Variants in DNHD1 observed in about 807,000 individuals in gnomAD.
DNHD1 encodes the protein dynein heavy chain domain-containing protein 1.
A neutral mutation model predicts 458.1 loss-of-function variants in DNHD1; 383 were observed. The observed-to-expected ratio is 0.84, with a 90% CI of 0.77 to 0.91. DNHD1 has a LOEUF of 0.91. Ranked by LOEUF, DNHD1 falls within the 40% of genes least tolerant of loss-of-function variation. The probability of loss-of-function intolerance (pLI) is 0.00; values close to 1 mark genes in which losing one functional copy is unlikely to be tolerated. For synonymous variants in DNHD1, 2,203 were observed against 2,376.9 expected, an observed-to-expected ratio of 0.93 and a Z score of 2.13; for missense variants, 5,336 against 5,866.1, an observed-to-expected ratio of 0.91 and a Z score of 2.95.
At position 6,571,247 on chromosome 11, in the gene DNHD1, C is replaced by T. The variant is rs1481347084; in HGVS notation, c.13735C>T (p.Arg4579Cys). 2 of 1,612,542 alleles carry T rather than the reference C, an allele frequency of 1.2e-6. No individual in the cohort carries two copies. Among genetic ancestry groups the T allele is most frequent in the South Asian group, 1.1e-5 (1 of 90,926 alleles). ...GADASSDVPE[R>C]VFHLSAFRHP... is the part of the protein sequence containing the mutation. Reference sequence around the variant, plus strand: ...GGACGCGAGCAGTGATGTACCAGAGCGCGTCTTCCACCTGTCAGCCTTTCG... The same window carrying T: ...GGACGCGAGCAGTGATGTACCAGAGTGCGTCTTCCACCTGTCAGCCTTTCG... Residue 4579 changes from arginine to cysteine, a missense_variant, in exon 42 of 43, where the codon CGC becomes TGC. Around this residue, in one of 4 missense-constraint regions of DNHD1, gnomAD observed 698 missense variants for 664.9 expected, o/e 1.05. Transcript: ENST00000254579. This position sits in a 1 kb window ranked among gnomAD's most constrained non-coding sequence, Gnocchi z 5.0.
At chr11:6,527,532 T>G (rs983968306) in intron 10 of DNHD1, among the ~76,000 whole-genome samples, 6 of 152,200 alleles carry the variant, frequency 3.9e-5, no homozygotes, top group Non-Finnish European at 8.8e-5. Context: ...GGGGAGGAAT[T>G]AGAGTTCATT....
In DNHD1 at chr11:6,547,286, T is replaced by G. The variant is rs752045538; in HGVS notation, c.6347T>G (p.Ile2116Arg). 1 of 1,551,700 alleles carries G rather than the reference T, an allele frequency of 6.4e-7. No individual in the cohort carries two copies. Among genetic ancestry groups the G allele is most frequent in the African/African-American group, 1.4e-5 (1 of 73,050 alleles). Residue 2116 changes from isoleucine to arginine, a missense_variant, in exon 21 of 43, where the codon ATA (isoleucine) becomes AGA (arginine). This residue lies in a region of DNHD1 where 3,932 missense variants were observed against 4,365.6 expected (regional missense o/e 0.90). Coordinates refer to ENST00000254579, the MANE Select transcript of DNHD1 (RefSeq NM_144666.3). ...PQLSLPSGQQIARPPGTFLLM... is the reference protein window; with the variant it reads ...PQLSLPSGQQRARPPGTFLLM... ...CTTAGTCTCCCCAGTGGACAGCAGA[T>G]AGCACGACCCCCAGGCACCTTTCTC... is the stretch of plus-strand genomic sequence containing the variant.
rs746015319 is a variant in DNHD1, at chr11:6,533,767, T to G, written c.2592T>G (p.Phe864Leu). The G allele has an allele frequency of 4.5e-6, 7 of 1,551,344 alleles. No homozygotes were observed. The East Asian group carries it at 1.7e-4, about 38-fold the overall frequency. The change falls in exon 14 of 43, where the codon TTT (phenylalanine) becomes TTG (leucine). Residue 864 changes from phenylalanine (F) to leucine (L), a missense_variant. Coordinates refer to ENST00000254579, the MANE Select transcript of DNHD1 (RefSeq NM_144666.3). ...RALHELIRNHFSLFSAENEAL... is the reference protein window; with the variant it reads ...RALHELIRNHLSLFSAENEAL... ...TCCACGAACTCATCCGCAACCACTT[T>G]AGCCTCTTTAGTGCTGAGAATGAAG...
At position 6,557,264 on chromosome 11, in the gene DNHD1, G is replaced by T. The variant is rs553080016; in HGVS notation, c.7969G>T (p.Asp2657Tyr). Residue 2657 changes from aspartate (D) to tyrosine (Y), a missense_variant, in exon 25 of 43, where the codon GAC becomes TAC. Coordinates refer to ENST00000254579, the MANE Select transcript of DNHD1 (RefSeq NM_144666.3). Reference protein sequence around the residue: ...WLHEAQRTFCDRLDSPRERSY... With the variant: ...WLHEAQRTFCYRLDSPRERSY... ...GCATGAGGCACAGAGAACCTTTTGC[G>T]ACCGGCTGGACAGCCCCAGGGAACG... 1.3e-5 allele frequency: 20 copies of T among 1,551,532 alleles called. No homozygotes were observed. In the South Asian group the frequency reaches 2.4e-4, roughly 18 times the overall value.
chr11:6,561,048 C>A (rs997650973), intron 28 of DNHD1, among the ~76,000 whole-genome samples: 1 of 152,060 alleles, frequency 6.6e-6, no homozygotes, highest in Admixed American at 6.5e-5. Context: ...ACTTCCCTAA[C>A]CTTATAAGGT....
chr11:6,536,664 A>G (rs1852957715), intron 14 of DNHD1, among the ~76,000 whole-genome samples: 1 of 152,182 alleles, frequency 6.6e-6, no homozygotes, highest in South Asian at 2.1e-4. Flanking sequence ...GAAGATTGGA[A>G]CTCATTTTCA....
chr11:6,570,263 G>T lies in DNHD1; in HGVS notation c.12972G>T (p.Gly4324=). 6.2e-7 allele frequency: 1 copy of T among 1,613,672 alleles called. No individual in the cohort carries two copies. Among genetic ancestry groups the T allele is most frequent in the Non-Finnish European group, 8.5e-7 (1 of 1,179,768 alleles). Residue 4324 remains glycine, a synonymous_variant, in exon 41 of 43, where the codon GGG becomes GGT. Transcript: ENST00000254579. ...MQELAASVFY[G]GPLGDTEDRE... The stretch of plus-strand genomic sequence containing the variant: ...CATCTTCAGCTTCAGTTTTCTACGG[G>T]GGTCCTCTGGGGGACACTGAGGACA...
In DNHD1 at chr11:6,567,817, A is replaced by G. The variant is rs765614281; in HGVS notation, c.12308A>G (p.His4103Arg). The G allele has an allele frequency of 6.2e-7, 1 of 1,613,378 alleles. No individual in the cohort carries two copies. Among genetic ancestry groups the G allele is most frequent in the Non-Finnish European group, 8.5e-7 (1 of 1,179,886 alleles). ...PPPGHPSATL[H>R]PLTVIQKLAA... ...CCTGGCCACCCCTCAGCCACTCTGC[A>G]TCCTCTGACTGTCATCCAGAAACTG... The change falls in exon 36 of 43, where the codon CAT becomes CGT. Residue 4103 changes from histidine to arginine, a missense_variant. His to Arg is a conservative substitution (Grantham distance 29). Transcript: ENST00000254579.
rs1035413321 is a variant in DNHD1 at position 6,544,805 on chromosome 11, A to G, written c.3866A>G (p.Lys1289Arg). The change falls in exon 21 of 43, where the codon AAG becomes AGG. Residue 1289 changes from lysine (K) to arginine (R), a missense_variant. By Grantham distance (26) the Lys-to-Arg change is conservative (BLOSUM62 2). Transcript: ENST00000254579. Reference protein sequence around the residue: ...FPNADLNSRFKVMDDQYRTLM... With the variant: ...FPNADLNSRFRVMDDQYRTLM... ...CCCTCACCACAGAACTCTCGTTTCA[A>G]GGTCATGGATGACCAGTATCGAACC... 1.3e-6 allele frequency: 2 copies of G among 1,550,482 alleles called. No homozygotes were observed. The highest frequency in any genetic ancestry group is 2.7e-5 in the African/African-American group (2 of 73,020).
chr11:6,498,750 G>C lies in DNHD1; in HGVS notation c.535G>C (p.Glu179Gln). 6.2e-7 allele frequency: 1 copy of C among 1,614,204 alleles called. No homozygotes were observed. Among genetic ancestry groups the C allele is most frequent in the South Asian group, 1.1e-5 (1 of 91,082 alleles). ...QAQWSRQQVK[E>Q]ELATWLRPLT... ...CCAGTGGAGCAGGCAGCAAGTAAAG[G>C]AGGAGCTGGCCACCTGGCTGCGACC... Residue 179 changes from glutamate to glutamine, a missense_variant, in exon 3 of 43, where the codon GAG becomes CAG. Around this residue, in one of 4 missense-constraint regions of DNHD1, gnomAD observed 3,932 missense variants for 4,365.6 expected, o/e 0.90. Coordinates refer to ENST00000254579, the MANE Select transcript of DNHD1 (RefSeq NM_144666.3).
Position 6,509,269 on chromosome 11 carries a change from G to A in DNHD1, c.1232G>A (p.Ser411Asn), listed in dbSNP as rs764176673. 5 of 1,610,886 alleles carry A rather than the reference G, an allele frequency of 3.1e-6. No individual in the cohort carries two copies. The South Asian group carries it at 5.5e-5, about 18-fold the overall frequency. Reference protein sequence around the residue: ...PHFGAGLLHISRLLQELHSVS... With the variant: ...PHFGAGLLHINRLLQELHSVS... Reference sequence around the variant, plus strand: ...TTTGGAGCTGGGCTACTCCATATTAGCAGGTGAGGTATTAAAAACACAACT... The same window carrying A: ...TTTGGAGCTGGGCTACTCCATATTAACAGGTGAGGTATTAAAAACACAACT... Residue 411 changes from serine (S) to asparagine (N), a missense_variant, in exon 6 of 43, where the codon AGC (serine) becomes AAC (asparagine). Transcript: ENST00000254579.
intron 18 of DNHD1, among the ~76,000 whole-genome samples, chr11:6,540,457 C>T (rs2134421850): frequency 6.6e-6 from 1 of 152,240 alleles, no homozygotes; most frequent in Non-Finnish European, 1.5e-5. Flanking sequence ...TTATTCTCTC[C>T]CTCATCAAAC....
intron 10 of DNHD1, among the ~76,000 whole-genome samples, chr11:6,523,707 C>T (rs904804769): frequency 4.6e-5 from 7 of 152,112 alleles, no homozygotes; most frequent in Non-Finnish European, 8.8e-5. Flanking sequence ...CTTCTTATGG[C>T]CAGGCACAGT....
At chr11:6,549,173 C>T in intron 24 of DNHD1, 1 of 560,948 alleles carries the variant, frequency 1.8e-6, no homozygotes, top group Non-Finnish European at 3.1e-6. Flanking sequence ...CCAGATCTGT[C>T]TATCCAGCTG....
Position 6,548,837 on chromosome 11 carries a change from C to T in DNHD1, c.7291C>T (p.Gln2431Ter). 5 of 1,551,666 alleles carry T rather than the reference C, an allele frequency of 3.2e-6. No individual in the cohort carries two copies. Among genetic ancestry groups the T allele is most frequent in the Non-Finnish European group, 4.4e-6 (5 of 1,146,976 alleles). The change falls in exon 24 of 43, where the codon CAG becomes TAG. Residue 2431 changes from glutamine (Q) to a stop codon, truncating the protein, a stop_gained. Transcript: ENST00000254579. LOFTEE classifies it high-confidence loss of function. This position sits in a 1 kb window ranked among gnomAD's most constrained non-coding sequence, Gnocchi z 4.4. ...HLRLLLSRGI[Q>*]GQTQASPQPG... ...CCGTCTCCTGCTGAGCAGAGGAATC[C>T]AGGGCCAAACACAAGCCAGCCCACA...
At chr11:6,539,773 C>A in intron 17 of DNHD1, 103 bp from the exon 18 acceptor site, 3 of 1,080,466 alleles carry the variant, frequency 2.8e-6, no homozygotes, top group Non-Finnish European at 4.1e-6. Context: ...TTCCTGAGCC[C>A]TGGCCCTTGA....
intron 24 of DNHD1, among the ~76,000 whole-genome samples, chr11:6,551,671 T>G (rs141582377): frequency 1.1e-3 from 173 of 152,284 alleles, no homozygotes; most frequent in East Asian, 4.4e-3. Context: ...GGCCGGGCAC[T>G]GTGGCTCACG....
intron 6 of DNHD1, 126 bp downstream of exon 6, chr11:6,509,398 C>A: frequency 2.6e-6 from 2 of 762,390 alleles, no homozygotes; most frequent in Non-Finnish European, 4.1e-6. Context: ...TTAATCCTAC[C>A]AACCACTATG....
rs369828934 is a variant in DNHD1, at chr11:6,568,254, G to A, written c.12538+12G>A. The A allele has an allele frequency of 2.6e-6, 4 of 1,542,032 alleles. No homozygotes were observed. In the South Asian group the frequency reaches 4.8e-5, roughly 18 times the overall value. On this transcript the variant is annotated intron_variant, in intron 37 of 42. Transcript: ENST00000254579. ...AGGCAGAGCCAAGGGTGAGTTTATTGCCTAGATTGGCTTCCAGGATCCTAT... is the reference window on the plus strand; with the variant it reads ...AGGCAGAGCCAAGGGTGAGTTTATTACCTAGATTGGCTTCCAGGATCCTAT...
Sources: gnomAD v4.1 joint callset for allele counts (sites outside exome capture counted in the v4.1 genomes callset) on GRCh38, gnomAD v4.1.1 for gene constraint, gnomAD v4.1.1 regional missense constraint, Gnocchi (gnomAD v3.1) non-coding constraint, MANE v1.5 for transcripts, NCBI Gene and HGNC (gene_info 2026-07-23, HGNC 2026-07-21) for gene names.